MDGA2: variants seen among roughly 807,000 people sequenced by gnomAD.
The protein encoded by MDGA2 is MAM domain-containing glycosylphosphatidylinositol anchor protein 2.
Under a neutral mutation model 117.8 loss-of-function variants are expected in MDGA2, and 40 were observed. The observed-to-expected ratio is 0.34, with a 90% CI of 0.26 to 0.44. MDGA2 has a LOEUF of 0.44. MDGA2 is among the 20% of genes least tolerant of loss of function. The pLI, the probability that MDGA2 is intolerant of heterozygous loss-of-function variation, is 1.00. For missense variants in MDGA2, 1,123 were observed against 1,250.6 expected, an observed-to-expected ratio of 0.90 and a Z score of 1.54; for synonymous variants, 452 against 439.0, an observed-to-expected ratio of 1.03 and a Z score of -0.37.
intron 16 of MDGA2, among the ~76,000 whole-genome samples, chr14:46,843,624 T>C (rs927356866): frequency 6.6e-6 from 1 of 152,104 alleles, no homozygotes; most frequent in African/African-American, 2.4e-5. Flanking sequence ...TATATAACAA[T>C]GAGCAAAATG....
At chr14:47,449,718 T>C (rs938069477) in intron 1 of MDGA2, among the ~76,000 whole-genome samples, 15 of 152,144 alleles carry the variant, frequency 9.9e-5, no homozygotes, top group African/African-American at 3.6e-4. Context: ...ATATACATAA[T>C]CATGCAGAGC....
At chr14:47,157,435 T>C (rs972634980) in intron 3 of MDGA2, among the ~76,000 whole-genome samples, 22 of 152,236 alleles carry the variant, frequency 1.4e-4, no homozygotes, top group African/African-American at 5.1e-4. Flanking sequence ...ATTATCCTGA[T>C]GATTTTGCAT....
intron 10 of MDGA2, among the ~76,000 whole-genome samples, chr14:46,913,152 T>G (rs912129169): frequency 2.0e-5 from 3 of 152,134 alleles, no homozygotes; most frequent in Admixed American, 6.6e-5. Context: ...TCTGCCTATT[T>G]TAACGTTTTC....
chr14:47,096,521 A>AG (rs34093475), intron 6 of MDGA2, among the ~76,000 whole-genome samples: 23,043 of 151,884 alleles, frequency 0.15, 1,888 homozygotes, highest in Admixed American at 0.21. Context: ...TTATACAATC[A>AG]GTGTATATTT....
At position 47,040,932 on chromosome 14, in the gene MDGA2, G is replaced by GAGAA. The variant is rs374452885; in HGVS notation, c.1526-5632_1526-5629dup. ...CAGATAAGAAAGTTGTGAAACAATT[G>GAGAA]AGAAAGAAAGAAAGGCAGAGCAGAA... On this transcript the variant is annotated intron_variant, in intron 7 of 16. Transcript: ENST00000399232. Among the ~76,000 whole-genome samples the GAGAA allele has an allele frequency of 8.5e-4, 129 of 152,172 alleles. 1 individual carries two copies. Among genetic ancestry groups the GAGAA allele is most frequent in the African/African-American group, 3.0e-3 (124 of 41,514 alleles).
rs1303388629 is a variant in MDGA2, at chr14:47,176,637, T to C, written c.596-32363A>G. On this transcript the variant is annotated intron_variant, in intron 3 of 16. Coordinates refer to ENST00000399232, the MANE Select transcript of MDGA2 (RefSeq NM_001113498.3). ...AACTGGATCCCTTCCTTACACCTTA[T>C]ACAAAAATTAATTCAATATGGATTA... is the stretch of plus-strand genomic sequence containing the variant. Among the ~76,000 whole-genome samples, 4 of 152,252 alleles carry C rather than the reference T, an allele frequency of 2.6e-5. No homozygotes were observed. The South Asian group carries it at 6.2e-4, about 24-fold the overall frequency.
chr14:47,322,070 AAG>A (rs1338148633), intron 1 of MDGA2, among the ~76,000 whole-genome samples: 1 of 152,146 alleles, frequency 6.6e-6, no homozygotes, highest in East Asian at 1.9e-4. Context: ...AGTGGAGAGA[AAG>A]AGAGAGACAG....
Position 47,144,319 on chromosome 14 carries a change from T to C in MDGA2, c.596-45A>G, listed in dbSNP as rs1882846978. On this transcript the variant is annotated intron_variant, in intron 3 of 16. Coordinates refer to ENST00000399232, the MANE Select transcript of MDGA2 (RefSeq NM_001113498.3). The stretch of plus-strand genomic sequence containing the variant: ...CCAAATGGCAATGTTATGAGATAGA[T>C]GACTTTTAAAGTATTGTGCTTATAT... The C allele has an allele frequency of 2.0e-6, 3 of 1,463,662 alleles. No individual in the cohort carries two copies. In the African/African-American group the frequency reaches 4.2e-5, roughly 21 times the overall value. The allele number at this position is 1,463,662 out of a possible 1,614,324, so 90.7% of individuals were successfully genotyped here. A position where few individuals can be genotyped will look rare whatever the true frequency, so the allele number is the denominator to read the frequency against.
In MDGA2 at chr14:47,633,506, G is replaced by A. The variant is rs112242237; in HGVS notation, c.280+41011C>T. Among the ~76,000 whole-genome samples, 65 of 152,258 alleles carry A rather than the reference G, an allele frequency of 4.3e-4. 2 individuals are homozygous for A. Among genetic ancestry groups the A allele is most frequent in the African/African-American group, 1.5e-3 (61 of 41,538 alleles). On this transcript the variant is annotated intron_variant, in intron 1 of 16. Coordinates refer to ENST00000399232, the MANE Select transcript of MDGA2 (RefSeq NM_001113498.3). ...TACTTTTTTAAAATGTGAGATGTTA[G>A]TTTATGTTGTAAACACTTTAGTAAA...
chr14:46,949,499 A>G (rs1885292770), intron 9 of MDGA2, among the ~76,000 whole-genome samples: 1 of 151,294 alleles, frequency 6.6e-6, no homozygotes, highest in Non-Finnish European at 1.5e-5. Flanking sequence ...TTTAACCCTC[A>G]CCTCCCTTTC....
At chr14:47,658,507 G>A (rs1897786530) in intron 1 of MDGA2, among the ~76,000 whole-genome samples, 1 of 152,126 alleles carries the variant, frequency 6.6e-6, no homozygotes, top group African/African-American at 2.4e-5. Flanking sequence ...CATAAGGGCT[G>A]GCTGACGTTT....
chr14:47,356,453 G>C lies in MDGA2; in HGVS notation c.281-54903C>G, dbSNP rs74635871. On this transcript the variant is annotated intron_variant, in intron 1 of 16. Coordinates refer to ENST00000399232, the MANE Select transcript of MDGA2 (RefSeq NM_001113498.3). ...TGGTCTCTGGGAGGCCAGTGCAATA[G>C]TAAACTTCTCCCATGTTATAGCTGG... Among the ~76,000 whole-genome samples, 1,133 of 152,248 alleles carry C rather than the reference G, an allele frequency of 7.4e-3. 15 individuals carry two copies. The highest frequency in any genetic ancestry group is 0.026 in the African/African-American group (1,086 of 41,544).
intron 1 of MDGA2, among the ~76,000 whole-genome samples, chr14:47,464,045 TAATG>T (rs1893546309): frequency 6.6e-6 from 1 of 151,346 alleles, no homozygotes; most frequent in Admixed American, 6.6e-5. Context: ...CTAGAACAAT[TAATG>T]AAAGAAAAAC....
chr14:47,386,439 C>T (rs1230609113), intron 1 of MDGA2, among the ~76,000 whole-genome samples: 3 of 152,108 alleles, frequency 2.0e-5, no homozygotes, highest in Admixed American at 6.5e-5. Flanking sequence ...TCATCAGTTT[C>T]ACAATGAAAT....
intron 1 of MDGA2, among the ~76,000 whole-genome samples, chr14:47,641,181 T>C (rs1381282476): frequency 1.3e-5 from 2 of 152,136 alleles, no homozygotes; most frequent in African/African-American, 4.8e-5. Flanking sequence ...CAACTTGTTA[T>C]ACTTGAAGTG....
At chr14:47,181,897 G>T (rs184822843) in intron 3 of MDGA2, among the ~76,000 whole-genome samples, 11 of 152,222 alleles carry the variant, frequency 7.2e-5, no homozygotes, top group Non-Finnish European at 1.5e-5. Flanking sequence ...CATTTGTAAA[G>T]TATTTAGACT....
chr14:47,342,105 C>T (rs981757258), intron 1 of MDGA2, among the ~76,000 whole-genome samples: 1 of 152,034 alleles, frequency 6.6e-6, no homozygotes, highest in Non-Finnish European at 1.5e-5. Context: ...CCTGCCTCAT[C>T]CTCCCAAAGT....
intron 1 of MDGA2, among the ~76,000 whole-genome samples, chr14:47,432,455 G>C (rs1892818360): frequency 6.6e-6 from 1 of 151,800 alleles, no homozygotes; most frequent in Non-Finnish European, 1.5e-5. Flanking sequence ...GCACTTTCTG[G>C]CTCCTATTTT....
intron 1 of MDGA2, among the ~76,000 whole-genome samples, chr14:47,475,908 G>C (rs1169881071): frequency 6.6e-6 from 1 of 152,114 alleles, no homozygotes; most frequent in African/African-American, 2.4e-5. Flanking sequence ...TATCATGTTT[G>C]TCATGTTTGA....
Sources: gnomAD v4.1 joint callset for allele counts (sites outside exome capture counted in the v4.1 genomes callset) on GRCh38, gnomAD v4.1.1 for gene constraint, MANE v1.5 for transcripts, NCBI Gene and HGNC (gene_info 2026-07-23, HGNC 2026-07-21) for gene names.